CHRM3: variants seen among roughly 807,000 people sequenced by gnomAD.
CHRM3 encodes the protein muscarinic acetylcholine receptor M3.
A neutral mutation model predicts 41.8 loss-of-function variants in CHRM3; 11 were observed. That is an observed-to-expected ratio of 0.26 (90% CI 0.17 to 0.44). The LOEUF (loss-of-function observed/expected upper bound fraction) is 0.44. Ranked by LOEUF, CHRM3 falls within the 20% of genes least tolerant of loss-of-function variation. CHRM3 has a pLI of 1.00. For synonymous variants in CHRM3, 297 were observed against 301.4 expected (o/e 0.99, Z 0.15); for missense variants, 571 against 745.4 (o/e 0.77, Z 2.72).
chr1:239,687,279 T>C (rs1330346803), intron 5 of CHRM3, among the ~76,000 whole-genome samples: 1 of 152,164 alleles, frequency 6.6e-6, no homozygotes, highest in Non-Finnish European at 1.5e-5. Flanking sequence ...CTCATTTTAA[T>C]GGCAGCCCCT....
At chr1:239,537,096 T>C (rs1317710441) in intron 2 of CHRM3, among the ~76,000 whole-genome samples, 1 of 152,122 alleles carries the variant, frequency 6.6e-6, no homozygotes, top group African/African-American at 2.4e-5. Flanking sequence ...CTCTGCAGTT[T>C]CTTAAAAAAA....
intron 2 of CHRM3, among the ~76,000 whole-genome samples, chr1:239,509,792 T>G (rs946594381): frequency 6.6e-6 from 1 of 152,262 alleles, no homozygotes; most frequent in South Asian, 2.1e-4. Flanking sequence ...AGTCAACAAT[T>G]AACAAGTTTT....
intron 6 of CHRM3, among the ~76,000 whole-genome samples, chr1:239,872,218 C>A (rs935082271): frequency 2.6e-5 from 4 of 152,160 alleles, no homozygotes; most frequent in Non-Finnish European, 5.9e-5. Context: ...AATATAAATT[C>A]TTTGTAAGTC....
At chr1:239,662,807 C>G (rs1315373950) in intron 4 of CHRM3, among the ~76,000 whole-genome samples, 1 of 150,236 alleles carries the variant, frequency 6.7e-6, no homozygotes, top group East Asian at 1.9e-4. Context: ...TTCTTTCTTC[C>G]CTCCTCCTCC....
intron 1 of CHRM3, among the ~76,000 whole-genome samples, chr1:239,480,569 T>TTTTG (rs1558254444): frequency 1.5e-5 from 2 of 135,446 alleles, no homozygotes; most frequent in African/African-American, 5.4e-5. Flanking sequence ...TTTTTTTTTT[T>TTTTG]TTGTTGAGAC....
intron 3 of CHRM3, among the ~76,000 whole-genome samples, chr1:239,610,204 A>AAAAAAG: frequency 6.6e-6 from 1 of 151,140 alleles, no homozygotes; most frequent in Admixed American, 6.6e-5. Flanking sequence ...AAAAAAAAAA[A>AAAAAAG]AAAAAAAGGA....
In CHRM3 at chr1:239,888,625, A is replaced by G. The variant is rs113329626; in HGVS notation, c.-19-18808A>G. 1.3e-3 allele frequency among the ~76,000 whole-genome samples: 191 copies of G among 152,174 alleles called. 3 individuals carry two copies. Among genetic ancestry groups the G allele is most frequent in the African/African-American group, 4.3e-3 (180 of 41,516 alleles). On this transcript the variant is annotated intron_variant, in intron 6 of 6. Coordinates refer to ENST00000676153, the MANE Select transcript of CHRM3 (RefSeq NM_001375978.1). ...AAAAAAAAAAAAAAAGTGGCAATGA[A>G]AAATAGACTGAATTAGGTGGGATCA...
chr1:239,532,056 A>T (rs1449230625), intron 2 of CHRM3, among the ~76,000 whole-genome samples: 1 of 106,156 alleles, frequency 9.4e-6, no homozygotes, highest in Non-Finnish European at 1.7e-5. Flanking sequence ...CCTGTCTCCC[A>T]GGCTGGAGTG....
chr1:239,595,003 C>T (rs1348586647), intron 3 of CHRM3, among the ~76,000 whole-genome samples: 1 of 152,188 alleles, frequency 6.6e-6, no homozygotes, highest in African/African-American at 2.4e-5. Context: ...GCAGGAGAAT[C>T]GCTTGAACCC....
At chr1:239,404,418 GAAAGAAAGAAAGAA>G (rs1660356799) in intron 1 of CHRM3, among the ~76,000 whole-genome samples, 3 of 80,376 alleles carry the variant, frequency 3.7e-5, no homozygotes, top group East Asian at 8.2e-4. Flanking sequence ...GAAAAAGAAA[GAAAGAAAGAAAGAA>G]AGAAAGAAAG....
chr1:239,444,360 A>G (rs937253980), intron 1 of CHRM3, among the ~76,000 whole-genome samples: 17 of 152,244 alleles, frequency 1.1e-4, no homozygotes, highest in African/African-American at 3.4e-4. Flanking sequence ...AACACATTTT[A>G]CAATATAGTA....
At chr1:239,859,889 G>A (rs1487721028) in intron 6 of CHRM3, among the ~76,000 whole-genome samples, 2 of 141,830 alleles carry the variant, frequency 1.4e-5, no homozygotes, top group Non-Finnish European at 3.0e-5. Flanking sequence ...ATTATTATAC[G>A]TAAAGCATGT....
At chr1:239,586,563 T>C (rs1663422336) in intron 3 of CHRM3, among the ~76,000 whole-genome samples, 1 of 152,348 alleles carries the variant, frequency 6.6e-6, no homozygotes, top group African/African-American at 2.4e-5. Context: ...GATCTTATGC[T>C]TATATCTACC....
chr1:239,804,354 T>C (rs915280152), intron 5 of CHRM3, among the ~76,000 whole-genome samples: 53 of 135,762 alleles, frequency 3.9e-4, no homozygotes, highest in African/African-American at 1.2e-3. Flanking sequence ...TTTTTTTTTA[T>C]TATTATTCAT....
chr1:239,523,035 A>G (rs1042221512), intron 2 of CHRM3, among the ~76,000 whole-genome samples: 6 of 152,122 alleles, frequency 3.9e-5, no homozygotes, highest in Admixed American at 3.3e-4. Context: ...GGAGCATAGA[A>G]TTTAGCCCCT....
In CHRM3 at chr1:239,911,869, G is replaced by C. The variant is rs1680384010; in HGVS notation, c.*2645G>C. ...GAAAACAAGCAAAATAGGTTCTTTTGAATATGAATAATTTAAAAGCATAAT... is the reference window on the plus strand; with the variant it reads ...GAAAACAAGCAAAATAGGTTCTTTTCAATATGAATAATTTAAAAGCATAAT... On this transcript the variant is annotated 3_prime_UTR_variant, in exon 7 of 7. Coordinates refer to ENST00000676153, the MANE Select transcript of CHRM3 (RefSeq NM_001375978.1). The C allele has an allele frequency of 6.0e-6, 1 of 166,930 alleles. No individual in the cohort carries two copies. The allele number at this position is 166,930 out of a possible 1,614,324, so 10.3% of individuals were successfully genotyped here.
At chr1:239,457,627 C>A (rs1665050905) in intron 1 of CHRM3, among the ~76,000 whole-genome samples, 1 of 152,016 alleles carries the variant, frequency 6.6e-6, no homozygotes, top group South Asian at 2.1e-4. Flanking sequence ...CTTTCATATT[C>A]CCCAGGGACA....
chr1:239,726,265 A>T (rs1663427623), intron 5 of CHRM3, among the ~76,000 whole-genome samples: 1 of 151,902 alleles, frequency 6.6e-6, no homozygotes, highest in African/African-American at 2.4e-5. Context: ...GTGCATTGTG[A>T]GTCTGTGTAG....
chr1:239,392,475 A>G (rs890870572), intron 1 of CHRM3, among the ~76,000 whole-genome samples: 3 of 152,142 alleles, frequency 2.0e-5, no homozygotes, highest in Non-Finnish European at 4.4e-5. Context: ...GACATCGTCT[A>G]CCTTCTGTCA....
Sources: gnomAD v4.1 joint callset for allele counts (sites outside exome capture counted in the v4.1 genomes callset) on GRCh38, gnomAD v4.1.1 for gene constraint, MANE v1.5 for transcripts, NCBI Gene and HGNC (gene_info 2026-07-23, HGNC 2026-07-21) for gene names.